The following FTO variants were observed in gnomAD, a reference collection of about 807,000 sequenced individuals.
FTO encodes the protein alpha-ketoglutarate-dependent dioxygenase FTO.
A neutral mutation model predicts 63.9 loss-of-function variants in FTO; 47 were observed. That is an observed-to-expected ratio of 0.74 (90% CI 0.58 to 0.94). The LOEUF is 0.94. Among genes scored for constraint, FTO ranks in the 40% least tolerant of loss-of-function variants. FTO has a pLI of 0.00. For missense variants in FTO, 562 were observed against 618.1 expected (o/e 0.91, Z 0.96); for synonymous variants, 207 against 224.4 (o/e 0.92, Z 0.69).
chr16:53,744,299 A>T lies in FTO; in HGVS notation c.45+40070A>T, dbSNP rs60442170. Among the ~76,000 whole-genome samples, 225 of 152,304 alleles carry T rather than the reference A, an allele frequency of 1.5e-3. 1 individual carries two copies. Among genetic ancestry groups the T allele is most frequent in the African/African-American group, 5.3e-3 (220 of 41,562 alleles). ...ACCTAGGCCTAGGGTTTTCTTTGAG[A>T]CTGCTGACTGATGTGTTCTCTTTTA... is the stretch of plus-strand genomic sequence containing the variant. On this transcript the variant is annotated intron_variant, in intron 1 of 8. Coordinates refer to ENST00000471389, the MANE Select transcript of FTO (RefSeq NM_001080432.3).
chr16:53,793,757 A>C (rs2077988348), intron 1 of FTO, among the ~76,000 whole-genome samples: 1 of 151,846 alleles, frequency 6.6e-6, no homozygotes, highest in South Asian at 2.1e-4. Flanking sequence ...CAAACAAACA[A>C]AAATAAAATA....
chr16:53,795,051 T>C (rs1318084735), intron 1 of FTO, among the ~76,000 whole-genome samples: 1 of 152,072 alleles, frequency 6.6e-6, no homozygotes, highest in Non-Finnish European at 1.5e-5. Context: ...AATAAAGGCA[T>C]TACATTGATG....
At chr16:53,896,673 T>C (rs1315816981) in intron 7 of FTO, among the ~76,000 whole-genome samples, 1 of 152,186 alleles carries the variant, frequency 6.6e-6, no homozygotes, top group Non-Finnish European at 1.5e-5. Flanking sequence ...TCACCAGTAT[T>C]GATTTTAAAA....
intron 8 of FTO, among the ~76,000 whole-genome samples, chr16:54,013,847 A>G (rs1173662543): frequency 6.6e-6 from 1 of 152,214 alleles, no homozygotes; most frequent in Non-Finnish European, 1.5e-5. Context: ...AAGCCAAAAA[A>G]TTCACGTGAG....
intron 8 of FTO, among the ~76,000 whole-genome samples, chr16:54,037,818 G>A (rs1599251454): frequency 6.6e-6 from 1 of 152,136 alleles, no homozygotes; most frequent in African/African-American, 2.4e-5. Context: ...TAGTCATTAT[G>A]TTAAAAAATA....
At chr16:54,051,680 C>G (rs1317705468) in intron 8 of FTO, among the ~76,000 whole-genome samples, 1 of 152,242 alleles carries the variant, frequency 6.6e-6, no homozygotes, top group Admixed American at 6.5e-5. Context: ...TGCCCATGAT[C>G]TCAAAAGCAG....
At chr16:53,989,534 G>A (rs1306245384) in intron 8 of FTO, among the ~76,000 whole-genome samples, 1 of 152,160 alleles carries the variant, frequency 6.6e-6, no homozygotes, top group African/African-American at 2.4e-5. Flanking sequence ...GAATAGGGTA[G>A]ACGGCAAGAA....
At chr16:53,841,767 A>G (rs191185844) in intron 3 of FTO, among the ~76,000 whole-genome samples, 1 of 152,202 alleles carries the variant, frequency 6.6e-6, no homozygotes, top group South Asian at 2.1e-4. Flanking sequence ...TGATATATAC[A>G]TGATACAGCC....
chr16:53,803,396 A>G (rs2078276050), intron 1 of FTO, among the ~76,000 whole-genome samples: 1 of 152,210 alleles, frequency 6.6e-6, no homozygotes, highest in East Asian at 1.9e-4. Context: ...ATTATTGGAA[A>G]CAGAACAAGA....
chr16:53,828,430 A>T (rs1053964281), intron 3 of FTO, among the ~76,000 whole-genome samples: 1 of 152,030 alleles, frequency 6.6e-6, no homozygotes, highest in African/African-American at 2.4e-5. Flanking sequence ...CGTGGTCTCA[A>T]TCTTCTGATC....
chr16:53,959,092 T>G lies in FTO; in HGVS notation c.1364+24983T>G, dbSNP rs546820107. Among the ~76,000 whole-genome samples the G allele has an allele frequency of 4.9e-4, 74 of 152,348 alleles. No homozygotes were observed. In the South Asian group the frequency reaches 0.014, roughly 29 times the overall value. On this transcript the variant is annotated intron_variant, in intron 8 of 8. Coordinates refer to ENST00000471389, the MANE Select transcript of FTO (RefSeq NM_001080432.3). ...CCAAGTACTTTTTAAGTGCTTTATG[T>G]GAATTAACTGTTACAATGGTAGGTA...
At chr16:54,092,276 C>T (rs1473551090) in intron 8 of FTO, among the ~76,000 whole-genome samples, 1 of 152,182 alleles carries the variant, frequency 6.6e-6, no homozygotes, top group African/African-American at 2.4e-5. Flanking sequence ...GAGTAAGACC[C>T]TGTCTCAAAA....
intron 7 of FTO, among the ~76,000 whole-genome samples, chr16:53,898,724 G>A (rs561091648): frequency 6.6e-6 from 1 of 152,256 alleles, no homozygotes; most frequent in East Asian, 1.9e-4. Context: ...CTGTTGCCTA[G>A]GCTAGAGTAC....
chr16:53,937,537 G>A (rs2082417779), intron 8 of FTO: 2 of 341,822 alleles, frequency 5.9e-6, no homozygotes, highest in Admixed American at 4.8e-5. Context: ...CCCAGGATAG[G>A]CTACTTTAGG....
At chr16:53,731,629 A>G (rs1471363517) in intron 1 of FTO, among the ~76,000 whole-genome samples, 1 of 151,068 alleles carries the variant, frequency 6.6e-6, no homozygotes, top group East Asian at 2.0e-4. Flanking sequence ...GTGCGGTGGC[A>G]TATCGGCTCA....
At chr16:53,938,933 C>G (rs1486120094) in intron 8 of FTO, among the ~76,000 whole-genome samples, 3 of 125,296 alleles carry the variant, frequency 2.4e-5, no homozygotes, top group Non-Finnish European at 5.2e-5. Context: ...ACTAAAAATA[C>G]AAAAAAAAAA....
intron 8 of FTO, among the ~76,000 whole-genome samples, chr16:53,970,211 C>T (rs577414237): frequency 1.1e-4 from 16 of 152,274 alleles, no homozygotes; most frequent in Admixed American, 1.3e-4. Flanking sequence ...AAATTATTTA[C>T]AGTTCTCCAT....
intron 1 of FTO, among the ~76,000 whole-genome samples, chr16:53,809,711 G>A (rs139891432): frequency 0.017 from 2,516 of 152,252 alleles, 31 homozygotes; most frequent in Non-Finnish European, 0.024. Context: ...GGAGGCCAAG[G>A]TGGGAGGATT....
intron 8 of FTO, among the ~76,000 whole-genome samples, chr16:54,044,292 G>A (rs1191733159): frequency 3.6e-5 from 1 of 27,808 alleles, no homozygotes; most frequent in Non-Finnish European, 4.9e-5. Flanking sequence ...AACAAAAAAA[G>A]GCAGGGGTTG....
Sources: gnomAD v4.1 joint callset for allele counts (sites outside exome capture counted in the v4.1 genomes callset) on GRCh38, gnomAD v4.1.1 for gene constraint, MANE v1.5 for transcripts, NCBI Gene and HGNC (gene_info 2026-07-23, HGNC 2026-07-21) for gene names.